RALYL: variants seen among roughly 807,000 people sequenced by gnomAD.
The protein encoded by RALYL is RALY RNA binding protein like, also known as RNA-binding Raly-like protein.
In RALYL, 29 loss-of-function variants were observed where a neutral mutation model predicts 35.1. That is an observed-to-expected ratio of 0.83 (90% CI 0.61 to 1.13). The LOEUF (loss-of-function observed/expected upper bound fraction) is 1.13. RALYL is among the 50% of genes most tolerant of loss of function. RALYL has a pLI of 0.00. For synonymous variants in RALYL, 120 were observed against 127.6 expected (o/e 0.94, Z 0.40); for missense variants, 359 against 360.4 (o/e 1.00, Z 0.03).
chr8:84,362,470 G>A (rs1472859196), intron 1 of RALYL, among the ~76,000 whole-genome samples: 1 of 152,102 alleles, frequency 6.6e-6, no homozygotes, highest in Non-Finnish European at 1.5e-5. Flanking sequence ...GGCCTGTTAG[G>A]AACTGGGTGG....
chr8:84,568,073 G>C (rs996837276), intron 2 of RALYL, among the ~76,000 whole-genome samples: 1 of 150,706 alleles, frequency 6.6e-6, no homozygotes, highest in African/African-American at 2.4e-5. Flanking sequence ...TTATACTTTA[G>C]GTTATAGGGT....
At chr8:84,440,159 G>A (rs943407276) in intron 1 of RALYL, among the ~76,000 whole-genome samples, 1 of 152,042 alleles carries the variant, frequency 6.6e-6, no homozygotes, top group Non-Finnish European at 1.5e-5. Flanking sequence ...TTAGATATTA[G>A]AGTTTGAGGC....
intron 2 of RALYL, among the ~76,000 whole-genome samples, chr8:84,732,795 C>A (rs1286788740): frequency 6.6e-6 from 1 of 151,562 alleles, no homozygotes; most frequent in Non-Finnish European, 1.5e-5. Flanking sequence ...CTCCCAGATT[C>A]AAGCGATTCT....
chr8:84,207,839 T>TAG (rs1818434667), intron 1 of RALYL, among the ~76,000 whole-genome samples: 1 of 148,196 alleles, frequency 6.7e-6, no homozygotes, highest in Admixed American at 6.8e-5. Flanking sequence ...TATATATATA[T>TAG]AGAAACATTG....
intron 1 of RALYL, among the ~76,000 whole-genome samples, chr8:84,512,085 C>CATTCT (rs1564062642): frequency 2.0e-5 from 3 of 152,074 alleles, no homozygotes; most frequent in Admixed American, 2.0e-4. Flanking sequence ...ATCATATGGT[C>CATTCT]ATTCTATTTT....
At chr8:84,660,517 A>G (rs1830703114) in intron 2 of RALYL, among the ~76,000 whole-genome samples, 1 of 151,996 alleles carries the variant, frequency 6.6e-6, no homozygotes, top group Non-Finnish European at 1.5e-5. Flanking sequence ...ATTTAAGACA[A>G]TAAACTTTCT....
chr8:84,842,497 G>T (rs1364822413), intron 4 of RALYL, among the ~76,000 whole-genome samples: 1 of 152,238 alleles, frequency 6.6e-6, no homozygotes, highest in Admixed American at 6.5e-5. Context: ...ACCAAAAAAA[G>T]TCCAGGACCA....
intron 1 of RALYL, among the ~76,000 whole-genome samples, chr8:84,405,823 C>CTTTTTTTTTTTTTT (rs776007226): frequency 8.5e-6 from 1 of 118,154 alleles, no homozygotes; most frequent in South Asian, 2.7e-4. Context: ...TATTTTCATT[C>CTTTTTTTTTTTTTT]TTTTTTTTTT....
chr8:84,727,768 C>T (rs938275343), intron 2 of RALYL, among the ~76,000 whole-genome samples: 140 of 151,990 alleles, frequency 9.2e-4, no homozygotes, highest in African/African-American at 3.2e-3. Context: ...ATGATGATTT[C>T]CAATTTCATC....
At chr8:84,494,990 A>C (rs187209282) in intron 1 of RALYL, among the ~76,000 whole-genome samples, 334 of 152,256 alleles carry the variant, frequency 2.2e-3, no homozygotes, top group Non-Finnish European at 3.7e-3. Context: ...TTCAAAGGGA[A>C]TGCTTTCAGC....
intron 1 of RALYL, among the ~76,000 whole-genome samples, chr8:84,314,108 G>GGA (rs1204181361): frequency 1.3e-5 from 2 of 152,228 alleles, no homozygotes; most frequent in East Asian, 1.9e-4. Flanking sequence ...CAAGGCAGCA[G>GGA]GAGAGAGAGC....
chr8:84,405,003 TAACA>T (rs2043316574), intron 1 of RALYL, among the ~76,000 whole-genome samples: 1 of 152,110 alleles, frequency 6.6e-6, no homozygotes, highest in Non-Finnish European at 1.5e-5. Flanking sequence ...GTGAAGATCA[TAACA>T]AACAGACTGT....
intron 1 of RALYL, among the ~76,000 whole-genome samples, chr8:84,203,181 G>C (rs1452303711): frequency 6.6e-6 from 1 of 152,148 alleles, no homozygotes; most frequent in Non-Finnish European, 1.5e-5. Context: ...TAGGGAAAAG[G>C]AGATGTAAAG....
intron 2 of RALYL, among the ~76,000 whole-genome samples, chr8:84,663,589 T>C (rs1475296850): frequency 2.6e-5 from 4 of 152,202 alleles, no homozygotes; most frequent in Non-Finnish European, 5.9e-5. Flanking sequence ...TGAGCTTTTT[T>C]TCATGTTTGT....
At chr8:84,328,706 T>A (rs1846274387) in intron 1 of RALYL, among the ~76,000 whole-genome samples, 1 of 152,184 alleles carries the variant, frequency 6.6e-6, no homozygotes, top group Non-Finnish European at 1.5e-5. Context: ...CAAAAGATCC[T>A]GTCACCCAGT....
At chr8:84,596,595 G>A (rs891975990) in intron 2 of RALYL, among the ~76,000 whole-genome samples, 4 of 152,092 alleles carry the variant, frequency 2.6e-5, no homozygotes, top group African/African-American at 9.7e-5. Flanking sequence ...CCTGTGATGA[G>A]TCTGTGGAAA....
At chr8:84,453,957 C>T (rs2049828157) in intron 1 of RALYL, among the ~76,000 whole-genome samples, 1 of 151,976 alleles carries the variant, frequency 6.6e-6, no homozygotes, top group African/African-American at 2.4e-5. Flanking sequence ...CTAATTCAAT[C>T]TCAAACATGA....
chr8:84,251,482 T>G (rs1830184547), intron 1 of RALYL, among the ~76,000 whole-genome samples: 1 of 152,256 alleles, frequency 6.6e-6, no homozygotes, highest in South Asian at 2.1e-4. Context: ...ACTGTTATTT[T>G]TTTTTTGAAA....
chr8:84,278,138 A>G (rs1194645740), intron 1 of RALYL, among the ~76,000 whole-genome samples: 1 of 152,198 alleles, frequency 6.6e-6, no homozygotes, highest in African/African-American at 2.4e-5. Flanking sequence ...GTTTCCATAC[A>G]TCCTCTGAAA....
Sources: allele counts gnomAD v4.1 joint callset (sites outside exome capture counted in the v4.1 genomes callset), GRCh38; gene constraint gnomAD v4.1.1; transcripts MANE v1.5; gene names NCBI Gene and HGNC (gene_info 2026-07-23, HGNC 2026-07-21).